Variants in SFMBT2 observed in about 807,000 individuals in gnomAD.
The protein encoded by SFMBT2 is Scm like with four mbt domains 2.
In SFMBT2, 38 loss-of-function variants were observed where a neutral mutation model predicts 110.1. That is an observed-to-expected ratio of 0.35 (90% confidence interval 0.27 to 0.45). The LOEUF (loss-of-function observed/expected upper bound fraction) is 0.45, where lower values mean the gene tolerates loss of function less well. Ranked by LOEUF, SFMBT2 falls within the 20% of genes least tolerant of loss-of-function variation. SFMBT2 has a pLI of 1.00. For synonymous variants in SFMBT2, 425 were observed against 425.4 expected, an observed-to-expected ratio of 1.00 and a Z score of 0.01; for missense variants, 1,011 against 1,094.9, an observed-to-expected ratio of 0.92 and a Z score of 1.08.
chr10:7,251,905 C>T (rs1311153833), intron 7 of SFMBT2, among the ~76,000 whole-genome samples: 5 of 152,142 alleles, frequency 3.3e-5, no homozygotes, highest in East Asian at 3.9e-4. Flanking sequence ...TCTATCACCC[C>T]GGCTTTCCTG....
chr10:7,392,563 G>A (rs932911378), intron 1 of SFMBT2, among the ~76,000 whole-genome samples: 8 of 152,076 alleles, frequency 5.3e-5, no homozygotes, highest in African/African-American at 1.9e-4. Flanking sequence ...TAATTCACCT[G>A]TTGATGCCTC....
At chr10:7,311,041 ATC>A (rs1489770887) in intron 4 of SFMBT2, among the ~76,000 whole-genome samples, 1 of 84,232 alleles carries the variant, frequency 1.2e-5, no homozygotes, top group East Asian at 4.2e-4. Context: ...GAGAAACTCC[ATC>A]TCAAAAAAAA....
At chr10:7,343,514 T>G (rs1379527737) in intron 4 of SFMBT2, among the ~76,000 whole-genome samples, 1 of 152,176 alleles carries the variant, frequency 6.6e-6, no homozygotes, top group Non-Finnish European at 1.5e-5. Context: ...CAGCAGTGTT[T>G]AAGCATTCTC....
At chr10:7,282,666 A>C (rs1275674372) in intron 6 of SFMBT2, among the ~76,000 whole-genome samples, 1 of 152,200 alleles carries the variant, frequency 6.6e-6, no homozygotes, top group African/African-American at 2.4e-5. Context: ...TGTCAAACTT[A>C]ATGCAAATGC....
At chr10:7,378,550 G>T (rs1409447673) in intron 2 of SFMBT2, among the ~76,000 whole-genome samples, 1 of 131,128 alleles carries the variant, frequency 7.6e-6, no homozygotes, top group Non-Finnish European at 1.6e-5. Context: ...GGGGGTGTAT[G>T]TATAGATGGG....
intron 4 of SFMBT2, among the ~76,000 whole-genome samples, chr10:7,296,391 G>A (rs1393598806): frequency 2.0e-5 from 3 of 152,146 alleles, no homozygotes; most frequent in Non-Finnish European, 4.4e-5. Flanking sequence ...TATCACACAG[G>A]TCCAGGGCTC....
At chr10:7,385,520 C>A (rs2255252) in intron 1 of SFMBT2, among the ~76,000 whole-genome samples, 144,032 of 152,306 alleles carry the variant, frequency 0.95, 68,191 homozygotes, top group East Asian at 1. Context: ...AGGGAGGAGA[C>A]AATGCCAGAA....
At position 7,367,710 on chromosome 10, in the gene SFMBT2, G is replaced by A. The variant is rs752185794; in HGVS notation, c.375C>T (p.Ile125=). 46 of 1,613,840 alleles carry A rather than the reference G, an allele frequency of 2.9e-5. No individual in the cohort carries two copies. The highest frequency in any genetic ancestry group is 3.6e-5 in the Non-Finnish European group (43 of 1,180,040). Residue 125 remains isoleucine (I), a synonymous_variant, in exon 4 of 21, where the codon ATC becomes ATT. Transcript: ENST00000397167. The surrounding 1 kb of genome is among the most constrained non-coding windows in gnomAD (Gnocchi z 6.2). ...ACCACCCCACGGGGTGCAAATCCGCGATGACTACGTCACACCAGAAGTCGG... is the reference window on the plus strand; with the variant it reads ...ACCACCCCACGGGGTGCAAATCCGCAATGACTACGTCACACCAGAAGTCGG... ...RRADFWCDVV[I]ADLHPVGWCT... is the part of the protein sequence containing the mutation.
At chr10:7,167,276 T>C (rs1837721703) in intron 20 of SFMBT2, among the ~76,000 whole-genome samples, 1 of 152,182 alleles carries the variant, frequency 6.6e-6, no homozygotes, top group Non-Finnish European at 1.5e-5. Flanking sequence ...AGGTAAAATT[T>C]TATTTAGAGT....
chr10:7,375,605 AGAAAG>A (rs1845178490), intron 2 of SFMBT2, among the ~76,000 whole-genome samples: 1 of 152,212 alleles, frequency 6.6e-6, no homozygotes, highest in South Asian at 2.1e-4. Context: ...CAAACAACTC[AGAAAG>A]GAACCGTGGC....
intron 4 of SFMBT2, among the ~76,000 whole-genome samples, chr10:7,344,665 C>T (rs1264801652): frequency 1.3e-5 from 2 of 151,956 alleles, no homozygotes; most frequent in African/African-American, 4.8e-5. Flanking sequence ...ATAATTTATC[C>T]CTATTTTTTA....
chr10:7,172,464 C>CA lies in SFMBT2; in HGVS notation c.2151+30dup, dbSNP rs1436674122. 1 of 1,612,558 alleles carries CA rather than the reference C, an allele frequency of 6.2e-7. No homozygotes were observed. Among genetic ancestry groups the CA allele is most frequent in the Non-Finnish European group, 8.5e-7 (1 of 1,179,984 alleles). The stretch of plus-strand genomic sequence containing the variant: ...CGGCCAGGGCCAGATGACAGAGCTA[C>CA]AGGCTGGCAGGTGCCCCGGGCAGAA... On this transcript the variant is annotated intron_variant, in intron 18 of 20. Transcript: ENST00000397167. The surrounding 1 kb of genome is among the most constrained non-coding windows in gnomAD (Gnocchi z 4.6).
chr10:7,353,652 A>T (rs904358288), intron 4 of SFMBT2, among the ~76,000 whole-genome samples: 3 of 152,172 alleles, frequency 2.0e-5, no homozygotes, highest in Admixed American at 2.0e-4. Flanking sequence ...TGGCGTTGAG[A>T]AATGTTTCAT....
intron 4 of SFMBT2, among the ~76,000 whole-genome samples, chr10:7,339,108 C>G: frequency 6.6e-6 from 1 of 152,108 alleles, no homozygotes; most frequent in East Asian, 1.9e-4. Context: ...GGCATGATGA[C>G]AGGTACCTGT....
rs998645743 is a variant in SFMBT2, at chr10:7,388,505, A to G, written c.-51-6556T>C. On this transcript the variant is annotated intron_variant, in intron 1 of 20. Coordinates refer to ENST00000397167, the MANE Select transcript of SFMBT2 (RefSeq NM_001387889.1). ...CCCGAGTAGCTGGGATTACAGGTGCACCTGACCATACCCAGCTAATTTTTT... is the reference window on the plus strand; with the variant it reads ...CCCGAGTAGCTGGGATTACAGGTGCGCCTGACCATACCCAGCTAATTTTTT... Among the ~76,000 whole-genome samples the G allele has an allele frequency of 3.4e-5, 5 of 145,432 alleles. No homozygotes were observed. The Admixed American group carries it at 3.5e-4, about 10-fold the overall frequency.
chr10:7,268,416 T>C (rs1232785128), intron 7 of SFMBT2, among the ~76,000 whole-genome samples: 1 of 152,210 alleles, frequency 6.6e-6, no homozygotes, highest in Non-Finnish European at 1.5e-5. Flanking sequence ...GGCGTTTTGC[T>C]TGAGTGGACA....
At chr10:7,411,065 CTTTTTTTTTT>C (rs766788794), upstream of SFMBT2, among the ~76,000 whole-genome samples, 13 of 53,890 alleles carry the variant, frequency 2.4e-4, no homozygotes, top group African/African-American at 4.5e-4. Context: ...GCTCGGCGCT[CTTTTTTTTTT>C]TTTTTTTTTT....
chr10:7,296,999 CCAGT>C (rs1186086147), intron 4 of SFMBT2, among the ~76,000 whole-genome samples: 1 of 152,184 alleles, frequency 6.6e-6, no homozygotes, highest in East Asian at 1.9e-4. Flanking sequence ...GCTGGCCTGC[CCAGT>C]CAGAGCTCAG....
Position 7,216,592 on chromosome 10 carries a change from T to C in SFMBT2, c.1330+3819A>G, listed in dbSNP as rs995904445. Among the ~76,000 whole-genome samples, 5 of 152,154 alleles carry C rather than the reference T, an allele frequency of 3.3e-5. No individual in the cohort carries two copies. The South Asian group carries it at 1.0e-3, about 32-fold the overall frequency. On this transcript the variant is annotated intron_variant, in intron 11 of 20. Transcript: ENST00000397167. ...AGTGGCTCAAGTGACTACCGAGCTA[T>C]CTTGCTGTCCCCTCCTTGCCAGTGC...
Sources: allele counts gnomAD v4.1 joint callset (sites outside exome capture counted in the v4.1 genomes callset), GRCh38; gene constraint gnomAD v4.1.1; non-coding constraint Gnocchi (gnomAD v3.1); transcripts MANE v1.5; gene names NCBI Gene and HGNC (gene_info 2026-07-23, HGNC 2026-07-21).